CAGE1: variants seen among roughly 807,000 people sequenced by gnomAD.
CAGE1 encodes the protein cancer antigen 1.
CAGE1 carries 66 observed loss-of-function variants against 94.9 expected under a neutral mutation model. That is an observed-to-expected ratio of 0.70 (90% CI 0.57 to 0.85). The LOEUF (loss-of-function observed/expected upper bound fraction) is 0.85, where lower values mean the gene tolerates loss of function less well. Among genes scored for constraint, CAGE1 ranks in the 40% least tolerant of loss-of-function variants. The pLI is 0.00. For synonymous variants in CAGE1, 319 were observed against 321.0 expected (o/e 0.99, Z 0.07); for missense variants, 865 against 950.4 (o/e 0.91, Z 1.18).
At chr6:7,338,572 G>A (rs1248930278) in intron 11 of CAGE1, among the ~76,000 whole-genome samples, 3 of 152,054 alleles carry the variant, frequency 2.0e-5, no homozygotes, top group African/African-American at 7.2e-5. Context: ...TACACATAAA[G>A]CTGGCCCTTT....
At chr6:7,374,735 T>C (rs17604433) in intron 4 of CAGE1, among the ~76,000 whole-genome samples, 7,124 of 152,218 alleles carry the variant, frequency 0.047, 254 homozygotes, top group Middle Eastern at 0.16. Flanking sequence ...GAGGAGGTTA[T>C]AAAAAGACAG....
Position 7,365,567 on chromosome 6 carries a change from G to C in CAGE1, c.2094C>G (p.Asp698Glu). 7 of 1,609,274 alleles carry C rather than the reference G, an allele frequency of 4.3e-6. No individual in the cohort carries two copies. The highest frequency in any genetic ancestry group is 6.0e-6 in the Non-Finnish European group (7 of 1,176,344). Reference sequence around the variant, plus strand: ...TACTCTTGGCTTCATCTGAATCACAGTCTATGACCTGAGATTAAATATATT... The same window carrying C: ...TACTCTTGGCTTCATCTGAATCACACTCTATGACCTGAGATTAAATATATT... ...AFQDHAIKVI[D>E]CDSDEAKSIR... Residue 698 changes from aspartate to glutamate, a missense_variant, in exon 9 of 14, where the codon GAC becomes GAG. Asp to Glu is a conservative substitution (Grantham distance 45, BLOSUM62 2). Coordinates refer to ENST00000502583, the MANE Select transcript of CAGE1 (RefSeq NM_001170692.2).
intron 13 of CAGE1, among the ~76,000 whole-genome samples, chr6:7,327,907 G>T (rs1309367217): frequency 6.6e-6 from 1 of 151,422 alleles, no homozygotes; most frequent in Non-Finnish European, 1.5e-5. Flanking sequence ...TCCAGCCTGG[G>T]CAACAAGAGT....
chr6:7,346,063 T>C (rs1225200652), intron 11 of CAGE1, among the ~76,000 whole-genome samples: 1 of 152,250 alleles, frequency 6.6e-6, no homozygotes, highest in African/African-American at 2.4e-5. Flanking sequence ...TTTGATAATT[T>C]TTTTTAAATT....
chr6:7,337,831 C>T (rs185485573), intron 11 of CAGE1, among the ~76,000 whole-genome samples: 16 of 152,292 alleles, frequency 1.1e-4, no homozygotes, highest in Admixed American at 1.0e-3. Flanking sequence ...TTCAGCTATT[C>T]TATGCCTTTT....
At position 7,339,618 on chromosome 6, in the gene CAGE1, C is replaced by T; in HGVS notation, c.2370-5528G>A. The T allele has an allele frequency of 1.5e-6, 1 of 673,068 alleles. No individual in the cohort carries two copies. The highest frequency in any genetic ancestry group is 2.1e-5 in the Admixed American group (1 of 47,308). The allele number at this position is 673,068 out of a possible 1,614,324, so 41.7% of individuals were successfully genotyped here. A position where few individuals can be genotyped will look rare whatever the true frequency, so the allele number is the denominator to read the frequency against. The stretch of plus-strand genomic sequence containing the variant: ...GAAAGGCACTGTATCATTCTTATGC[C>T]TTTGTGTCCTCATAGCTTAGCTCCC... On this transcript the variant is annotated intron_variant, in intron 11 of 13. Coordinates refer to ENST00000502583, the MANE Select transcript of CAGE1 (RefSeq NM_001170692.2). This position sits in a 1 kb window ranked among gnomAD's most constrained non-coding sequence, Gnocchi z 4.7.
rs746702793 is a variant in CAGE1, at chr6:7,373,848, T to C, written c.971A>G (p.Gln324Arg). 10 of 1,613,996 alleles carry C rather than the reference T, an allele frequency of 6.2e-6. No individual in the cohort carries two copies. Among genetic ancestry groups the C allele is most frequent in the Non-Finnish European group, 5.9e-6 (7 of 1,179,874 alleles). The change falls in exon 5 of 14, where the codon CAA becomes CGA. Residue 324 changes from glutamine to arginine, a missense_variant. Coordinates refer to ENST00000502583, the MANE Select transcript of CAGE1 (RefSeq NM_001170692.2). Reference sequence around the variant, plus strand: ...ATACAGGTTACTACACTGGAGTTCTTGGATTCGCACTTCCTGCTTTCTGTT... The same window carrying C: ...ATACAGGTTACTACACTGGAGTTCTCGGATTCGCACTTCCTGCTTTCTGTT... ...HTNRKQEVRI[Q>R]ELQCSNLYLE...
chr6:7,387,200 T>A lies in CAGE1; in HGVS notation c.-23-4A>T, dbSNP rs1561870358. On this transcript the variant is annotated splice_region_variant and splice_polypyrimidine_tract_variant and intron_variant, in intron 1 of 13. Coordinates refer to ENST00000502583, the MANE Select transcript of CAGE1 (RefSeq NM_001170692.2). Reference sequence around the variant, plus strand: ...ACTGTTGAACAATAGAAGACTTCTTTAAAAAAAAAATGTGTCTATTAGTAG... The same window carrying A: ...ACTGTTGAACAATAGAAGACTTCTTAAAAAAAAAAATGTGTCTATTAGTAG... The A allele has an allele frequency of 8.2e-5, 112 of 1,364,402 alleles. No homozygotes were observed. The highest frequency in any genetic ancestry group is 8.7e-5 in the Non-Finnish European group (88 of 1,007,036). 84.5% of individuals were successfully genotyped at this position (1,364,402 alleles called of 1,614,324 possible). A position where few individuals can be genotyped will look rare whatever the true frequency, so the allele number is the denominator to read the frequency against.
chr6:7,371,510 C>T (rs997943742), intron 5 of CAGE1, among the ~76,000 whole-genome samples: 2 of 152,028 alleles, frequency 1.3e-5, no homozygotes, highest in Non-Finnish European at 2.9e-5. Flanking sequence ...TAGCCAGGTG[C>T]GGTGGCTCAC....
At chr6:7,369,013 T>A (rs1760451161) in intron 6 of CAGE1, among the ~76,000 whole-genome samples, 1 of 145,694 alleles carries the variant, frequency 6.9e-6, no homozygotes, top group Admixed American at 6.7e-5. Flanking sequence ...TATTTTAATT[T>A]TTTTTTTTTT....
In CAGE1 at chr6:7,387,075, C is replaced by T. The variant is rs905485843; in HGVS notation, c.99G>A (p.Ser33=). ...SHEKVESMSE[S]DTMNVSNLSQ... ...AAAGATTGCTGACATTCATGGTATCCGATTCTGACATGCTTTCTACTTTTT... is the reference window on the plus strand; with the variant it reads ...AAAGATTGCTGACATTCATGGTATCTGATTCTGACATGCTTTCTACTTTTT... Residue 33 remains serine (S), a synonymous_variant, in exon 2 of 14, where the codon TCG becomes TCA. Transcript: ENST00000502583. 6.2e-5 allele frequency: 96 copies of T among 1,551,476 alleles called. No individual in the cohort carries two copies. Among genetic ancestry groups the T allele is most frequent in the East Asian group, 1.5e-4 (6 of 40,908 alleles).
At chr6:7,336,336 G>T (rs185649204) in intron 11 of CAGE1, among the ~76,000 whole-genome samples, 3 of 152,270 alleles carry the variant, frequency 2.0e-5, no homozygotes, top group Non-Finnish European at 4.4e-5. Flanking sequence ...AGAGCTGCAC[G>T]CAAGAAGCTA....
At chr6:7,348,181 CT>C in intron 11 of CAGE1, among the ~76,000 whole-genome samples, 1 of 152,306 alleles carries the variant, frequency 6.6e-6, no homozygotes, top group Non-Finnish European at 1.5e-5. Flanking sequence ...TTTCACCCCC[CT>C]GCCACGTCCA....
chr6:7,339,320 A>G lies in CAGE1; in HGVS notation c.2370-5230T>C. 1.2e-5 allele frequency: 19 copies of G among 1,594,038 alleles called. No homozygotes were observed. The highest frequency in any genetic ancestry group is 1.5e-5 in the Non-Finnish European group (18 of 1,162,332). ...CCACCTCTTCAGCATAAAGCTCTAC[A>G]CTGCCCTCTGGAGAGCCAAACCTCT... On this transcript the variant is annotated intron_variant, in intron 11 of 13. Transcript: ENST00000502583. This position sits in a 1 kb window ranked among gnomAD's most constrained non-coding sequence, Gnocchi z 4.7.
rs978694677 is a variant in CAGE1 at position 7,386,896 on chromosome 6, T to G, written c.195+83A>C. On this transcript the variant is annotated intron_variant, in intron 2 of 13. Coordinates refer to ENST00000502583, the MANE Select transcript of CAGE1 (RefSeq NM_001170692.2). The stretch of plus-strand genomic sequence containing the variant: ...CCGAATATTGTTTTATTGTTCCTTA[T>G]AGTTTTGAAGAAATTTTCATATGGA... 7 of 937,076 alleles carry G rather than the reference T, an allele frequency of 7.5e-6. No homozygotes were observed. The African/African-American group carries it at 9.9e-5, about 13-fold the overall frequency. 58.0% of individuals were successfully genotyped at this position (937,076 alleles called of 1,614,324 possible).
At chr6:7,341,685 G>T in intron 11 of CAGE1, 1 of 715,520 alleles carries the variant, frequency 1.4e-6, no homozygotes, top group South Asian at 1.4e-5. Context: ...TCACGTACAG[G>T]CAGGAGCTAA....
intron 11 of CAGE1, among the ~76,000 whole-genome samples, chr6:7,346,479 A>G (rs1759543534): frequency 6.6e-6 from 1 of 151,912 alleles, no homozygotes; most frequent in South Asian, 2.1e-4. Context: ...AGCTCAGGAG[A>G]TGGAGATTGC....
chr6:7,342,066 C>T (rs532080817), intron 11 of CAGE1: 5 of 917,832 alleles, frequency 5.4e-6, no homozygotes, highest in Admixed American at 1.7e-5. Context: ...CCTGGAAGCT[C>T]GACTAATAGA....
chr6:7,340,986 A>G (rs776844089), intron 11 of CAGE1: 6 of 442,640 alleles, frequency 1.4e-5, no homozygotes, highest in Admixed American at 2.7e-5. Context: ...CTTGTTGTCC[A>G]GGAAGCGGAG....
Sources: allele counts gnomAD v4.1 joint callset (sites outside exome capture counted in the v4.1 genomes callset), GRCh38; gene constraint gnomAD v4.1.1; non-coding constraint Gnocchi (gnomAD v3.1); transcripts MANE v1.5; gene names NCBI Gene and HGNC (gene_info 2026-07-23, HGNC 2026-07-21).